The following CACNA1S variants were observed in gnomAD, a reference collection of about 807,000 sequenced individuals.
CACNA1S encodes calcium voltage-gated channel subunit alpha1 S.
Under a neutral mutation model 207.4 loss-of-function variants are expected in CACNA1S, and 126 were observed. The observed-to-expected ratio is 0.61, with a 90% CI of 0.53 to 0.70. The LOEUF is 0.70. CACNA1S is among the 30% of genes least tolerant of loss of function. The pLI is 0.00. For synonymous variants in CACNA1S, 960 were observed against 932.7 expected (o/e 1.03, Z -0.53); for missense variants, 2,349 against 2,422.8 (o/e 0.97, Z 0.64).
chr1:201,105,745 G>A (rs778893462), intron 2 of CACNA1S, among the ~76,000 whole-genome samples: 2 of 152,146 alleles, frequency 1.3e-5, no homozygotes, highest in African/African-American at 4.8e-5. Flanking sequence ...AGTCAGAGGT[G>A]TACCTCTAGC....
chr1:201,044,203 C>T lies in CACNA1S; in HGVS notation c.4797+125G>A, dbSNP rs574739970. ...AGAGGTGGGTGGTGAAGTGGAGAGA[C>T]GGAGTGGGGTATCTTCAGCTCCCAT... is the stretch of plus-strand genomic sequence containing the variant. On this transcript the variant is annotated intron_variant, in intron 39 of 43. Transcript: ENST00000362061. 2.4e-4 allele frequency: 281 copies of T among 1,169,526 alleles called. 1 individual carries two copies. Among genetic ancestry groups the T allele is most frequent in the Non-Finnish European group, 3.3e-4 (268 of 806,824 alleles). The allele number at this position is 1,169,526 out of a possible 1,614,324, so 72.4% of individuals were successfully genotyped here.
At chr1:201,049,423 C>T (rs1357777370) in intron 34 of CACNA1S, among the ~76,000 whole-genome samples, 1 of 152,146 alleles carries the variant, frequency 6.6e-6, no homozygotes, top group African/African-American at 2.4e-5. Flanking sequence ...TTAATAGGGG[C>T]CCTTGGGCTA....
At chr1:201,072,265 C>A (rs1033666742) in intron 16 of CACNA1S, among the ~76,000 whole-genome samples, 13 of 152,176 alleles carry the variant, frequency 8.5e-5, no homozygotes, top group Non-Finnish European at 1.3e-4. Context: ...TCCCCCTACC[C>A]CACCATTGTT....
chr1:201,058,930 C>CT (rs565079059), intron 27 of CACNA1S, among the ~76,000 whole-genome samples: 44 of 152,336 alleles, frequency 2.9e-4, no homozygotes, highest in Middle Eastern at 3.4e-3. Flanking sequence ...TCTTCAGAAA[C>CT]TTCAGAGCAG....
chr1:201,059,361 C>A, intron 26 of CACNA1S, 62 bp from the exon 27 acceptor site: 2 of 1,022,332 alleles, frequency 2.0e-6, no homozygotes, highest in East Asian at 2.4e-5. Flanking sequence ...CTGTAGATTG[C>A]ATTCCCAGAG....
At chr1:201,077,310 G>T (rs925878819) in intron 11 of CACNA1S, among the ~76,000 whole-genome samples, 183 bp from the exon 12 acceptor site, 2 of 152,212 alleles carry the variant, frequency 1.3e-5, no homozygotes, top group African/African-American at 2.4e-5. Flanking sequence ...CAGAGCACTT[G>T]TCTGTTTGTA....
At chr1:201,102,662 A>G (rs10449267) in intron 2 of CACNA1S, among the ~76,000 whole-genome samples, 80,677 of 151,968 alleles carry the variant, frequency 0.53, 22,133 homozygotes, top group African/African-American at 0.65. Flanking sequence ...CTCTTATCCC[A>G]TTTTACAGAT....
Position 201,087,944 on chromosome 1 carries a change from A to T in CACNA1S, c.901-15T>A. 6.4e-7 allele frequency: 1 copy of T among 1,554,516 alleles called. No individual in the cohort carries two copies. The highest frequency in any genetic ancestry group is 1.7e-5 in the Admixed American group (1 of 59,570). ...GCATCATTGACCTGGTCAGGACAGA[A>T]GTGTGATCCTCTGAGTTGAGGGCTT... is the stretch of plus-strand genomic sequence containing the variant. On this transcript the variant is annotated splice_polypyrimidine_tract_variant and intron_variant, in intron 6 of 43. Transcript: ENST00000362061.
At chr1:201,046,159 TTTATTTATTTATTTA>T (rs920309740) in intron 38 of CACNA1S, among the ~76,000 whole-genome samples, 23 of 121,642 alleles carry the variant, frequency 1.9e-4, no homozygotes, top group African/African-American at 1.2e-3. Flanking sequence ...GACATATTTA[TTTATTTATTTATTTA>T]TTATTTATTT....
At position 201,069,298 on chromosome 1, in the gene CACNA1S, C is replaced by T. The variant is rs1261455461; in HGVS notation, c.2491-102G>A. ...AGCAGGCAGTCAGAGCCATTCTGTG[C>T]CCCAGCCTGTGCCGTTCAGAAGGAG... On this transcript the variant is annotated intron_variant, in intron 18 of 43. Coordinates refer to ENST00000362061, the MANE Select transcript of CACNA1S (RefSeq NM_000069.3). 1.9e-5 allele frequency: 27 copies of T among 1,430,874 alleles called. No homozygotes were observed. In the Admixed American group the frequency reaches 4.6e-4, roughly 24 times the overall value. 88.6% of individuals were successfully genotyped at this position (1,430,874 alleles called of 1,614,324 possible).
rs1396371475 is a variant in CACNA1S, at chr1:201,066,836, C to T, written c.2657+51G>A. On this transcript the variant is annotated intron_variant, in intron 20 of 43. Transcript: ENST00000362061. This position sits in a 1 kb window ranked among gnomAD's most constrained non-coding sequence, Gnocchi z 4.3. ...TGGGACTCCCACTACAAAGCCCTGG[C>T]ACAGAGCAGAGGGTGGTCTGTGCCC... The T allele has an allele frequency of 1.4e-6, 2 of 1,382,458 alleles. No homozygotes were observed. Among genetic ancestry groups the T allele is most frequent in the Non-Finnish European group, 2.0e-6 (2 of 975,704 alleles). The allele number at this position is 1,382,458 out of a possible 1,614,324, so 85.6% of individuals were successfully genotyped here.
intron 39 of CACNA1S, 89 bp from the exon 40 acceptor site, chr1:201,043,620 G>A (rs1048119182): frequency 1.2e-5 from 14 of 1,202,470 alleles, no homozygotes; most frequent in African/African-American, 1.0e-4. Context: ...TTGGGAACAA[G>A]CAATAGTATT....
At chr1:201,072,698 G>C (rs1295052663) in intron 16 of CACNA1S, 57 bp downstream of exon 16, 3 of 1,330,684 alleles carry the variant, frequency 2.3e-6, no homozygotes, top group African/African-American at 2.9e-5. Flanking sequence ...ATTCAGGACC[G>C]GCACACCCCT....
At chr1:201,059,355 A>G (rs1412901061) in intron 26 of CACNA1S, 56 bp from the exon 27 acceptor site, 29 of 1,096,822 alleles carry the variant, frequency 2.6e-5, no homozygotes, top group Non-Finnish European at 4.0e-5. Context: ...CCCACCCTGT[A>G]GATTGCATTC....
chr1:201,066,667 T>C lies in CACNA1S; in HGVS notation c.2657+220A>G, dbSNP rs1448393514. 1.3e-5 allele frequency among the ~76,000 whole-genome samples: 2 copies of C among 152,076 alleles called. No individual in the cohort carries two copies. The highest frequency in any genetic ancestry group is 2.9e-5 in the Non-Finnish European group (2 of 67,996). On this transcript the variant is annotated intron_variant, in intron 20 of 43. Transcript: ENST00000362061. This position sits in a 1 kb window ranked among gnomAD's most constrained non-coding sequence, Gnocchi z 4.3. ...GAGGGACCACTTCCTCCTCTCTGCA[T>C]CTCCTGCCAGTCTCTAGAACAGAGC...
chr1:201,054,134 G>A (rs1214709993), intron 29 of CACNA1S, among the ~76,000 whole-genome samples: 1 of 152,246 alleles, frequency 6.6e-6, no homozygotes, highest in Admixed American at 6.5e-5. Flanking sequence ...AAATACTCTG[G>A]AAGGGGAGAG....
intron 19 of CACNA1S, among the ~76,000 whole-genome samples, 189 bp downstream of exon 19, chr1:201,068,948 G>A (rs1661352005): frequency 6.6e-6 from 1 of 152,314 alleles, no homozygotes; most frequent in East Asian, 1.9e-4. Flanking sequence ...GCCACAGGCT[G>A]GCTGGGCTTT....
intron 8 of CACNA1S, 110 bp from the exon 9 acceptor site, chr1:201,085,141 A>G: frequency 1.2e-6 from 1 of 826,346 alleles, no homozygotes; most frequent in Non-Finnish European, 2.1e-6. Flanking sequence ...ATCTGCAACA[A>G]TGGGTCCTAG....
intron 28 of CACNA1S, among the ~76,000 whole-genome samples, chr1:201,055,021 G>C (rs1478276065): frequency 6.6e-6 from 1 of 152,220 alleles, no homozygotes; most frequent in Non-Finnish European, 1.5e-5. Flanking sequence ...CAGGGGCACA[G>C]CTCCTCTGGG....
Sources: gnomAD v4.1 joint callset for allele counts (sites outside exome capture counted in the v4.1 genomes callset) on GRCh38, gnomAD v4.1.1 for gene constraint, Gnocchi (gnomAD v3.1) non-coding constraint, MANE v1.5 for transcripts, NCBI Gene and HGNC (gene_info 2026-07-23, HGNC 2026-07-21) for gene names.